PITPNM2: variants seen among roughly 807,000 people sequenced by gnomAD.
PITPNM2 encodes the protein phosphatidylinositol transfer protein membrane associated 2.
In PITPNM2, 35 loss-of-function variants were observed where a neutral mutation model predicts 132.2. That is an observed-to-expected ratio of 0.26 (90% CI 0.20 to 0.35). The LOEUF (loss-of-function observed/expected upper bound fraction) is 0.35, where lower values mean the gene tolerates loss of function less well. Ranked by LOEUF, PITPNM2 falls within the 10% of genes least tolerant of loss-of-function variation. The probability of loss-of-function intolerance (pLI) is 1.00; values close to 1 mark genes in which losing one functional copy is unlikely to be tolerated. For missense variants in PITPNM2, 1,332 were observed against 1,912.0 expected (o/e 0.70, Z 5.66); for synonymous variants, 738 against 799.2 (o/e 0.92, Z 1.29).
At chr12:123,024,847 G>C (rs1025635374) in intron 3 of PITPNM2, among the ~76,000 whole-genome samples, 2 of 152,046 alleles carry the variant, frequency 1.3e-5, no homozygotes, top group Non-Finnish European at 2.9e-5. Context: ...ACTCTGAATA[G>C]GCTAAAAACC....
At chr12:123,102,108 A>C (rs2042576998) in intron 2 of PITPNM2, among the ~76,000 whole-genome samples, 1 of 152,238 alleles carries the variant, frequency 6.6e-6, no homozygotes, top group African/African-American at 2.4e-5. Flanking sequence ...AACTCTGCCT[A>C]CACCTGAGAA....
intron 3 of PITPNM2, 126 bp downstream of exon 3, chr12:123,034,387 T>G (rs1252757205): frequency 1.2e-6 from 1 of 867,244 alleles, no homozygotes; most frequent in African/African-American, 1.6e-5. Flanking sequence ...CAATTCACAC[T>G]TACCAGGAAG....
intron 2 of PITPNM2, among the ~76,000 whole-genome samples, chr12:123,093,949 C>A (rs2042338021): frequency 6.6e-6 from 1 of 152,262 alleles, no homozygotes; most frequent in Non-Finnish European, 1.5e-5. Flanking sequence ...TCAGCCCCCT[C>A]ATCTCAGGGA....
At chr12:123,084,485 G>A (rs1222416429) in intron 2 of PITPNM2, 1 of 152,184 alleles carries the variant, frequency 6.6e-6, no homozygotes, top group Non-Finnish European at 1.5e-5. Flanking sequence ...GGAGGAACTG[G>A]AGCACCAGGG....
At chr12:123,073,468 A>G (rs1472886518) in intron 2 of PITPNM2, among the ~76,000 whole-genome samples, 1 of 152,120 alleles carries the variant, frequency 6.6e-6, no homozygotes. Context: ...ATCTCCTAGC[A>G]CATCACACCT....
At position 123,148,711 on chromosome 12, in the gene PITPNM2, T is replaced by C. The variant is rs570908400; in HGVS notation, c.-200+2042A>G. 2.9e-3 allele frequency among the ~76,000 whole-genome samples: 449 copies of C among 152,268 alleles called. 1 individual carries two copies. Among genetic ancestry groups the C allele is most frequent in the Admixed American group, 5.7e-3 (87 of 15,300 alleles). Reference sequence around the variant, plus strand: ...CTCACTATTTTCCTAAGTACCTTACTGTGCAGCAAAGCATTGGGGATGCAG... The same window carrying C: ...CTCACTATTTTCCTAAGTACCTTACCGTGCAGCAAAGCATTGGGGATGCAG... On this transcript the variant is annotated intron_variant, in intron 1 of 25. Coordinates refer to ENST00000320201, the MANE Select transcript of PITPNM2 (RefSeq NM_020845.3).
At chr12:123,066,061 C>T (rs1043740070) in intron 2 of PITPNM2, among the ~76,000 whole-genome samples, 2 of 152,172 alleles carry the variant, frequency 1.3e-5, no homozygotes, top group African/African-American at 4.8e-5. Flanking sequence ...TGTGTGTAGA[C>T]AAATGTCACC....
chr12:123,127,849 TC>T (rs1036535223), intron 1 of PITPNM2, among the ~76,000 whole-genome samples: 7 of 152,068 alleles, frequency 4.6e-5, no homozygotes, highest in African/African-American at 1.4e-4. Flanking sequence ...GACCTCGTGA[TC>T]CGCCCGCCTT....
rs112681709 is a variant in PITPNM2, at chr12:123,150,344, G to C, written c.-200+409C>G. ...GCTGGAGGCGGGAAGCAGAGAAGGC[G>C]GGCCGGGGGCTCACCTCCGCTTCCT... On this transcript the variant is annotated intron_variant, in intron 1 of 25. Coordinates refer to ENST00000320201, the MANE Select transcript of PITPNM2 (RefSeq NM_020845.3). This position sits in a 1 kb window ranked among gnomAD's most constrained non-coding sequence, Gnocchi z 6.0. 2.0e-5 allele frequency among the ~76,000 whole-genome samples: 3 copies of C among 152,048 alleles called. No individual in the cohort carries two copies. The highest frequency in any genetic ancestry group is 4.4e-5 in the Non-Finnish European group (3 of 67,976).
chr12:123,011,651 G>T (rs2039207879), intron 5 of PITPNM2, among the ~76,000 whole-genome samples: 1 of 152,200 alleles, frequency 6.6e-6, no homozygotes, highest in Non-Finnish European at 1.5e-5. Context: ...TTTATAAGAA[G>T]AGGAGACAAA....
chr12:123,021,609 G>A (rs945316260), intron 3 of PITPNM2: 1 of 916,618 alleles, frequency 1.1e-6, no homozygotes, highest in African/African-American at 1.8e-5. Flanking sequence ...GCCCCACTGC[G>A]GTGTCAGGTG....
chr12:123,034,470 G>T, intron 3 of PITPNM2, 43 bp downstream of exon 3: 1 of 1,574,804 alleles, frequency 6.3e-7, no homozygotes, highest in South Asian at 1.1e-5. Context: ...GCGCTGGCGC[G>T]ACCCACCCTC....
intron 17 of PITPNM2, 23 bp from the exon 18 acceptor site, chr12:122,989,971 G>A: frequency 3.8e-6 from 5 of 1,300,262 alleles, no homozygotes; most frequent in Non-Finnish European, 4.9e-6. Flanking sequence ...AGCAATGGAT[G>A]GCTCAGCCAC....
At chr12:123,019,953 G>C (rs938055813) in intron 3 of PITPNM2, among the ~76,000 whole-genome samples, 5 of 152,176 alleles carry the variant, frequency 3.3e-5, no homozygotes, top group African/African-American at 7.2e-5. Flanking sequence ...TGCTGGGTAG[G>C]GAGGCAGGTG....
In PITPNM2 at chr12:122,986,153, G is replaced by A. The variant is rs367690986; in HGVS notation, c.3924C>T (p.His1308=). ...SAQPSGPSHR[H]ERTQSQADGE... ...CATCCGCCTGGCTCTGTGTCCGCTC[G>A]TGCCGGTGGCTGGGCCCGCTGGGCT... Residue 1308 remains histidine, a synonymous_variant, in exon 26 of 26, where the codon CAC becomes CAT. Transcript: ENST00000320201. 13 of 1,531,976 alleles carry A rather than the reference G, an allele frequency of 8.5e-6. No individual in the cohort carries two copies. Among genetic ancestry groups the A allele is most frequent in the African/African-American group, 1.4e-5 (1 of 71,860 alleles). 94.9% of individuals were successfully genotyped at this position (1,531,976 alleles called of 1,614,324 possible). A position where few individuals can be genotyped will look rare whatever the true frequency, so the allele number is the denominator to read the frequency against.
At chr12:123,107,049 G>T (rs1790106) in intron 2 of PITPNM2, among the ~76,000 whole-genome samples, 82,459 of 152,062 alleles carry the variant, frequency 0.54, 26,845 homozygotes, top group Non-Finnish European at 0.71. Context: ...TGGGGATGGG[G>T]GTACAGCATG....
At chr12:123,003,936 C>T (rs1490113008) in intron 8 of PITPNM2, among the ~76,000 whole-genome samples, 12 of 152,222 alleles carry the variant, frequency 7.9e-5, no homozygotes. Flanking sequence ...AAAATGGGCA[C>T]TTCACATGTT....
chr12:123,096,079 C>T (rs1390860220), intron 2 of PITPNM2, among the ~76,000 whole-genome samples: 1 of 152,244 alleles, frequency 6.6e-6, no homozygotes, highest in Non-Finnish European at 1.5e-5. Flanking sequence ...ATGTCGCCTG[C>T]TCAGGGAGCC....
intron 2 of PITPNM2, chr12:123,084,866 C>T: frequency 6.6e-6 from 1 of 152,192 alleles, no homozygotes; most frequent in East Asian, 1.9e-4. Context: ...AAGTCTGATA[C>T]ATCAAAGTCC....
Sources: gnomAD v4.1 joint callset for allele counts (sites outside exome capture counted in the v4.1 genomes callset) on GRCh38, gnomAD v4.1.1 for gene constraint, Gnocchi (gnomAD v3.1) non-coding constraint, MANE v1.5 for transcripts, NCBI Gene and HGNC (gene_info 2026-07-23, HGNC 2026-07-21) for gene names.